RANBP2: variants seen among roughly 807,000 people sequenced by gnomAD.
RANBP2 encodes E3 SUMO-protein ligase RanBP2.
A neutral mutation model predicts 303.6 loss-of-function variants in RANBP2; 57 were observed. The observed-to-expected ratio is 0.19, with a 90% CI of 0.15 to 0.23. The LOEUF is 0.23. Among genes scored for constraint, RANBP2 ranks in the 10% least tolerant of loss-of-function variants. The pLI is 1.00. For synonymous variants in RANBP2, 1,167 were observed against 1,301.5 expected (o/e 0.90, Z 2.23); for missense variants, 3,138 against 3,780.8 (o/e 0.83, Z 4.46).
At chr2:109,098,926 TTTG>T in the RANBP2 span, among the ~76,000 whole-genome samples, 1 of 152,052 alleles carries the variant, frequency 6.6e-6, no homozygotes, top group African/African-American at 2.4e-5. Flanking sequence ...TTGCTCTGAG[TTTG>T]TTTTGTTGTT....
chr2:108,822,722 A>G, the RANBP2 span, among the ~76,000 whole-genome samples: 5 of 152,240 alleles, frequency 3.3e-5, no homozygotes, highest in African/African-American at 9.6e-5. Context: ...AGAAATCCCA[A>G]GGAAAATTGG....
the RANBP2 span, among the ~76,000 whole-genome samples, chr2:109,209,464 G>A: frequency 6.6e-6 from 1 of 152,166 alleles, no homozygotes; most frequent in South Asian, 2.1e-4. Flanking sequence ...CCATGGGTTG[G>A]GAGAGCTGCA....
At chr2:109,659,503 G>GC in the RANBP2 span, among the ~76,000 whole-genome samples, 1 of 152,226 alleles carries the variant, frequency 6.6e-6, no homozygotes, top group Non-Finnish European at 1.5e-5. Context: ...ATCCAGGGCT[G>GC]CAGTGCAGGT....
the RANBP2 span, among the ~76,000 whole-genome samples, chr2:109,573,526 A>T: frequency 6.6e-6 from 1 of 152,230 alleles, no homozygotes; most frequent in South Asian, 2.1e-4. Context: ...CAGGGGACCA[A>T]GCAACTAGTC....
At chr2:108,938,652 G>A in the RANBP2 span, among the ~76,000 whole-genome samples, 1 of 151,318 alleles carries the variant, frequency 6.6e-6, no homozygotes, top group Admixed American at 6.6e-5. Context: ...GCTTGGAGAA[G>A]TTTTGAAAAA....
chr2:108,729,335 C>T, intron 2 of RANBP2, 136 bp downstream of exon 2: 10 of 1,085,010 alleles, frequency 9.2e-6, no homozygotes, highest in Non-Finnish European at 1.3e-5. Context: ...ATCACTCAGA[C>T]TGATGCTAAG....
the RANBP2 span, among the ~76,000 whole-genome samples, chr2:109,182,252 T>C: frequency 7.2e-5 from 11 of 152,176 alleles, no homozygotes; most frequent in Admixed American, 5.9e-4. Context: ...GTGAGAGTCA[T>C]CCCATGGCAG....
At chr2:109,609,434 C>T in the RANBP2 span, among the ~76,000 whole-genome samples, 1 of 151,722 alleles carries the variant, frequency 6.6e-6, no homozygotes, top group Non-Finnish European at 1.5e-5. Context: ...AATACAAAAA[C>T]ATAAATTAGG....
chr2:109,265,624 G>A, the RANBP2 span, among the ~76,000 whole-genome samples: 3 of 152,234 alleles, frequency 2.0e-5, no homozygotes, highest in Non-Finnish European at 1.5e-5. Flanking sequence ...GCCTGCATGG[G>A]TCCTGCCAGG....
the RANBP2 span, among the ~76,000 whole-genome samples, chr2:109,742,396 G>A: frequency 7.2e-6 from 1 of 138,394 alleles, no homozygotes; most frequent in African/African-American, 2.9e-5. Context: ...ACTCCAGCCT[G>A]GGTGACAAGA....
At chr2:109,432,531 G>T in the RANBP2 span, 1 of 1,613,666 alleles carries the variant, frequency 6.2e-7, no homozygotes, top group South Asian at 1.1e-5. Flanking sequence ...ACAAGCCCCA[G>T]AAGAGTGACG....
the RANBP2 span, among the ~76,000 whole-genome samples, chr2:108,976,511 G>T: frequency 6.6e-6 from 1 of 152,128 alleles, no homozygotes; most frequent in Non-Finnish European, 1.5e-5. Context: ...GTCTCCAGGC[G>T]GAGCGCACAC....
chr2:109,262,925 C>T, the RANBP2 span, among the ~76,000 whole-genome samples: 5 of 152,182 alleles, frequency 3.3e-5, no homozygotes, highest in South Asian at 2.1e-4. Flanking sequence ...CTTTGCCTCC[C>T]GGGTTCCAGC....
chr2:108,912,259 T>A, the RANBP2 span, among the ~76,000 whole-genome samples: 15 of 152,306 alleles, frequency 9.8e-5, no homozygotes, highest in African/African-American at 3.4e-4. Context: ...CTTCCCTGGT[T>A]AGGGAGAATG....
At chr2:109,717,115 T>A in the RANBP2 span, among the ~76,000 whole-genome samples, 2 of 152,184 alleles carry the variant, frequency 1.3e-5, no homozygotes, top group African/African-American at 2.4e-5. Flanking sequence ...GATGACATGA[T>A]CTTATATACA....
the RANBP2 span, among the ~76,000 whole-genome samples, chr2:109,566,076 G>C: frequency 7.9e-5 from 12 of 152,034 alleles, no homozygotes; most frequent in South Asian, 1.5e-3. Flanking sequence ...TTACATGTAA[G>C]GCATTATGCT....
the RANBP2 span, among the ~76,000 whole-genome samples, chr2:108,983,326 T>C: frequency 2.0e-5 from 3 of 152,226 alleles, no homozygotes; most frequent in Non-Finnish European, 2.9e-5. Context: ...CTTTTAGGGA[T>C]GCTCAGTGCA....
the RANBP2 span, among the ~76,000 whole-genome samples, chr2:109,088,617 T>A: frequency 6.6e-6 from 1 of 151,854 alleles, no homozygotes; most frequent in East Asian, 2.0e-4. Context: ...AGGCGTGAGG[T>A]TCTCACGCCT....
the RANBP2 span, among the ~76,000 whole-genome samples, chr2:109,053,460 T>A: frequency 3.9e-5 from 6 of 152,198 alleles, no homozygotes; most frequent in African/African-American, 1.4e-4. Flanking sequence ...CAGCTTATCA[T>A]GTTCCTCCCG....
Sources: gnomAD v4.1 joint callset for allele counts (sites outside exome capture counted in the v4.1 genomes callset) on GRCh38, gnomAD v4.1.1 for gene constraint, MANE v1.5 for transcripts, NCBI Gene and HGNC (gene_info 2026-07-23, HGNC 2026-07-21) for gene names.